LINGO2: variants seen among roughly 807,000 people sequenced by gnomAD.
LINGO2 encodes the protein leucine-rich repeat and immunoglobulin-like domain-containing nogo receptor-interacting protein 2.
A neutral mutation model predicts 30.6 loss-of-function variants in LINGO2; 14 were observed. The observed-to-expected ratio is 0.46, with a 90% CI of 0.30 to 0.72. The LOEUF (loss-of-function observed/expected upper bound fraction) is 0.72. LINGO2 is among the 30% of genes least tolerant of loss of function. LINGO2 has a pLI of 0.07. For synonymous variants in LINGO2, 317 were observed against 288.5 expected (o/e 1.10, Z -1.00); for missense variants, 729 against 751.7 (o/e 0.97, Z 0.35).
Position 28,488,136 on chromosome 9 carries a change from T to A in LINGO2, c.-364-12111A>T, listed in dbSNP as rs547447668. Among the ~76,000 whole-genome samples the A allele has an allele frequency of 7.9e-5, 12 of 152,290 alleles. No homozygotes were observed. In the East Asian group the frequency reaches 1.7e-3, roughly 22 times the overall value. On this transcript the variant is annotated intron_variant, in intron 1 of 5. Coordinates refer to ENST00000379992, the Ensembl canonical transcript of LINGO2. ...TCCCACTTTCCCCATGGAGGTGATT[T>A]TGAGTAGCAAAAAAGCTACAGGAGT...
chr9:28,153,851 C>A (rs1457504701), intron 4 of LINGO2, among the ~76,000 whole-genome samples: 1 of 151,788 alleles, frequency 6.6e-6, no homozygotes, highest in Non-Finnish European at 1.5e-5. Flanking sequence ...ATACTATATC[C>A]TAGGAAGGAA....
intron 1 of LINGO2, among the ~76,000 whole-genome samples, chr9:28,652,107 C>G (rs1407987052): frequency 6.6e-6 from 1 of 152,044 alleles, no homozygotes; most frequent in African/African-American, 2.4e-5. Flanking sequence ...TCTGCATATG[C>G]CTTTTTTCTA....
chr9:28,949,952 G>T, the LINGO2 span, among the ~76,000 whole-genome samples: 1 of 151,962 alleles, frequency 6.6e-6, no homozygotes, highest in Non-Finnish European at 1.5e-5. Context: ...TCCCTGGGAT[G>T]CAAGGCTGGT....
chr9:28,349,234 G>T lies in LINGO2; in HGVS notation c.-246+23602C>A, dbSNP rs527443659. Among the ~76,000 whole-genome samples the T allele has an allele frequency of 2.4e-3, 370 of 151,310 alleles. 2 individuals carry two copies. The highest frequency in any genetic ancestry group is 8.3e-3 in the African/African-American group (342 of 41,330). ...GGAGGACATTCAAACCAAAGGCAAAGAAGTTGAAAACTTTGAAAAAAATTT... is the reference window on the plus strand; with the variant it reads ...GGAGGACATTCAAACCAAAGGCAAATAAGTTGAAAACTTTGAAAAAAATTT... On this transcript the variant is annotated intron_variant, in intron 3 of 5. Coordinates refer to ENST00000379992, the Ensembl canonical transcript of LINGO2.
intron 1 of LINGO2, among the ~76,000 whole-genome samples, chr9:28,498,240 T>C (rs946065481): frequency 6.6e-6 from 1 of 152,220 alleles, no homozygotes. Context: ...TGTTTGGCTA[T>C]GCCCTGCCCC....
At chr9:28,944,130 C>T in the LINGO2 span, among the ~76,000 whole-genome samples, 1 of 152,250 alleles carries the variant, frequency 6.6e-6, no homozygotes, top group East Asian at 1.9e-4. Context: ...TATTCTACCA[C>T]ATCTAGACAG....
At chr9:28,225,203 C>G (rs745864591) in intron 4 of LINGO2, among the ~76,000 whole-genome samples, 10 of 152,014 alleles carry the variant, frequency 6.6e-5, no homozygotes, top group Non-Finnish European at 1.5e-4. Flanking sequence ...AAATGAGAAA[C>G]CGATTAGCAA....
chr9:28,997,976 T>C, the LINGO2 span, among the ~76,000 whole-genome samples: 1 of 152,206 alleles, frequency 6.6e-6, no homozygotes, highest in African/African-American at 2.4e-5. Context: ...GTAGCTGTTA[T>C]TACCAGACTT....
At chr9:28,373,095 T>C (rs149071754) in intron 2 of LINGO2, among the ~76,000 whole-genome samples, 1 of 152,264 alleles carries the variant, frequency 6.6e-6, no homozygotes, top group East Asian at 1.9e-4. Context: ...ATAATTTGCT[T>C]TTTAAAATTT....
At chr9:29,144,489 A>T in the LINGO2 span, among the ~76,000 whole-genome samples, 1 of 152,010 alleles carries the variant, frequency 6.6e-6, no homozygotes, top group Non-Finnish European at 1.5e-5. Context: ...TATATTAGAG[A>T]TGTGTAGTTT....
chr9:28,546,269 T>C (rs1192258314), intron 1 of LINGO2, among the ~76,000 whole-genome samples: 1 of 152,074 alleles, frequency 6.6e-6, no homozygotes, highest in Non-Finnish European at 1.5e-5. Flanking sequence ...CTGACACTAC[T>C]ATAGCAAAAG....
chr9:28,082,518 G>A (rs1178443644), intron 4 of LINGO2, among the ~76,000 whole-genome samples: 2 of 151,830 alleles, frequency 1.3e-5, no homozygotes, highest in African/African-American at 4.8e-5. Context: ...GTAAATTATG[G>A]GTATAACATT....
chr9:28,690,397 C>T, the LINGO2 span, among the ~76,000 whole-genome samples: 2 of 152,066 alleles, frequency 1.3e-5, no homozygotes, highest in African/African-American at 2.4e-5. Flanking sequence ...TTTCCAGCTG[C>T]TAAACTTGTG....
chr9:28,762,910 G>A, the LINGO2 span, among the ~76,000 whole-genome samples: 2 of 152,020 alleles, frequency 1.3e-5, no homozygotes, highest in Non-Finnish European at 2.9e-5. Flanking sequence ...AAGAGGAACA[G>A]AAATGTTTTT....
At chr9:28,926,159 C>G in the LINGO2 span, among the ~76,000 whole-genome samples, 1 of 151,982 alleles carries the variant, frequency 6.6e-6, no homozygotes, top group South Asian at 2.1e-4. Flanking sequence ...CTAAAAAATA[C>G]AAAAATTAGC....
chr9:28,387,426 G>A (rs1332577607), intron 2 of LINGO2, among the ~76,000 whole-genome samples: 2 of 152,196 alleles, frequency 1.3e-5, no homozygotes, highest in African/African-American at 2.4e-5. Flanking sequence ...AGCAGGAAGT[G>A]GGAAGGGCCA....
chr9:28,903,125 T>C, the LINGO2 span, among the ~76,000 whole-genome samples: 1 of 151,546 alleles, frequency 6.6e-6, no homozygotes, highest in Non-Finnish European at 1.5e-5. Context: ...TGGCAAAGCT[T>C]CAGCTAATCT....
intron 2 of LINGO2, among the ~76,000 whole-genome samples, chr9:28,373,418 T>G (rs1820981608): frequency 6.6e-6 from 1 of 152,216 alleles, no homozygotes; most frequent in Non-Finnish European, 1.5e-5. Flanking sequence ...TAATAAATGC[T>G]CTACATTCCT....
At chr9:28,024,362 C>T (rs909193808) in intron 4 of LINGO2, among the ~76,000 whole-genome samples, 1 of 152,140 alleles carries the variant, frequency 6.6e-6, no homozygotes, top group African/African-American at 2.4e-5. Flanking sequence ...GCTGACCCTG[C>T]TTTGCAAGGT....
Sources: allele counts gnomAD v4.1 joint callset (sites outside exome capture counted in the v4.1 genomes callset), GRCh38; gene constraint gnomAD v4.1.1; transcripts MANE v1.5; gene names NCBI Gene and HGNC (gene_info 2026-07-23, HGNC 2026-07-21).